Variants in IL1RAPL1 observed in about 807,000 individuals in gnomAD.
IL1RAPL1 encodes the protein interleukin-1 receptor accessory protein-like 1.
In IL1RAPL1, 3 loss-of-function variants were observed where a neutral mutation model predicts 48.4. That is an observed-to-expected ratio of 0.06 (90% CI 0.03 to 0.16). The LOEUF (loss-of-function observed/expected upper bound fraction) is 0.16, where lower values mean the gene tolerates loss of function less well. Among genes scored for constraint, IL1RAPL1 ranks in the 10% least tolerant of loss-of-function variants. The pLI, the probability that IL1RAPL1 is intolerant of heterozygous loss-of-function variation, is 1.00. For missense variants in IL1RAPL1, 349 were observed against 530.6 expected (o/e 0.66, Z 3.36); for synonymous variants, 185 against 187.7 (o/e 0.99, Z 0.12).
At chrX:29,247,117 C>G (rs1403256137) in intron 2 of IL1RAPL1, among the ~76,000 whole-genome samples, 1 of 111,869 alleles carries the variant, frequency 8.9e-6, no homozygotes, top group Non-Finnish European at 1.9e-5. Context: ...CACAAATTAG[C>G]TTTGCAAGTT....
rs138557283 is a variant in IL1RAPL1, at chrX:28,898,009, A to G, written c.82+108584A>G. The stretch of plus-strand genomic sequence containing the variant: ...TCATCAGTTAAGGCAAGGACCGGCC[A>G]TTTTCACTTCTTTTGTGGTGGAATG... On this transcript the variant is annotated intron_variant, in intron 2 of 10. Transcript: ENST00000378993. Among the ~76,000 whole-genome samples, 1,090 of 111,040 alleles carry G rather than the reference A, an allele frequency of 9.8e-3. 12 individuals carry two copies. The highest frequency in any genetic ancestry group is 0.033 in the African/African-American group (1,021 of 30,501).
chrX:29,837,272 A>AAAATATATAT (rs1447926305), intron 6 of IL1RAPL1, among the ~76,000 whole-genome samples: 4 of 72,118 alleles, frequency 5.5e-5, no homozygotes, highest in East Asian at 4.7e-4. Context: ...AAAAAAAAAA[A>AAAATATATAT]ATATATATAT....
chrX:29,286,863 C>T (rs974103793), intron 3 of IL1RAPL1, among the ~76,000 whole-genome samples: 4 of 111,000 alleles, frequency 3.6e-5, no homozygotes, highest in Non-Finnish European at 5.7e-5. Context: ...ATTTGGCACC[C>T]TATTTTTAAT....
chrX:28,718,535 A>G (rs1399582921), intron 1 of IL1RAPL1, among the ~76,000 whole-genome samples: 1 of 111,734 alleles, frequency 8.9e-6, no homozygotes, highest in African/African-American at 3.2e-5. Flanking sequence ...ACATCCATAC[A>G]TGAAACTTCT....
rs149728969 is a variant in IL1RAPL1, at chrX:29,085,950, C to T, written c.83-196988C>T. ...AAATGTTAGTGGGCTTGAGAAAACA[C>T]ATCAGTCACTGTGTTTGATATATCC... On this transcript the variant is annotated intron_variant, in intron 2 of 10. Coordinates refer to ENST00000378993, the MANE Select transcript of IL1RAPL1 (RefSeq NM_014271.4). 1.5e-3 allele frequency among the ~76,000 whole-genome samples: 174 copies of T among 112,278 alleles called. 2 individuals carry two copies. The highest frequency in any genetic ancestry group is 2.4e-3 in the Non-Finnish European group (129 of 53,238).
chrX:29,400,529 T>C (rs1382107501), intron 5 of IL1RAPL1, among the ~76,000 whole-genome samples: 5 of 111,931 alleles, frequency 4.5e-5, no homozygotes, highest in Non-Finnish European at 9.4e-5. Context: ...TATTGAGAGA[T>C]TCTTCTTGGT....
chrX:29,928,885 G>A lies in IL1RAPL1; in HGVS notation c.1057+8791G>A, dbSNP rs748939682. Among the ~76,000 whole-genome samples, 6 of 111,649 alleles carry A rather than the reference G, an allele frequency of 5.4e-5. No individual in the cohort carries two copies. In the South Asian group the frequency reaches 2.2e-3, roughly 42 times the overall value. On this transcript the variant is annotated intron_variant, in intron 8 of 10. Coordinates refer to ENST00000378993, the MANE Select transcript of IL1RAPL1 (RefSeq NM_014271.4). ...ACAAAAATGCTAACTACTATCTCGG[G>A]TCATATAGTAGGGAGAAAACGTGTT...
At chrX:29,904,353 T>C (rs1326634041) in intron 6 of IL1RAPL1, among the ~76,000 whole-genome samples, 1 of 104,129 alleles carries the variant, frequency 9.6e-6, no homozygotes, top group Non-Finnish European at 2.0e-5. Context: ...ATTTTATTGC[T>C]GATTCTTTTT....
intron 6 of IL1RAPL1, among the ~76,000 whole-genome samples, chrX:29,742,151 C>T (rs1433100506): frequency 1.8e-5 from 2 of 110,446 alleles, no homozygotes; most frequent in African/African-American, 6.6e-5. Flanking sequence ...GATAGGAAAG[C>T]TACCCTCATA....
At chrX:29,363,219 A>G (rs992406789) in intron 3 of IL1RAPL1, among the ~76,000 whole-genome samples, 3 of 112,241 alleles carry the variant, frequency 2.7e-5, no homozygotes, top group African/African-American at 9.7e-5. Flanking sequence ...AAAAGGTAAC[A>G]TAAAATTTAC....
chrX:29,406,861 C>T (rs1317378597), intron 5 of IL1RAPL1, among the ~76,000 whole-genome samples: 2 of 111,906 alleles, frequency 1.8e-5, no homozygotes, highest in Non-Finnish European at 3.8e-5. Context: ...CTGTCTTACA[C>T]TATAATAACT....
chrX:28,812,551 T>TA (rs887088127), intron 2 of IL1RAPL1, among the ~76,000 whole-genome samples: 7 of 111,164 alleles, frequency 6.3e-5, no homozygotes, highest in Non-Finnish European at 1.1e-4. Flanking sequence ...TTTTCTCTTT[T>TA]AAAAAACATA....
chrX:29,720,788 A>G (rs1337956372), intron 6 of IL1RAPL1, among the ~76,000 whole-genome samples: 1 of 112,182 alleles, frequency 8.9e-6, no homozygotes, highest in East Asian at 2.8e-4. Flanking sequence ...ACAAACAGAA[A>G]AACAGCTGAC....
intron 2 of IL1RAPL1, among the ~76,000 whole-genome samples, chrX:29,192,115 G>A (rs1203649495): frequency 9.0e-6 from 1 of 111,319 alleles, no homozygotes; most frequent in Non-Finnish European, 1.9e-5. Flanking sequence ...TCAGAGTGAA[G>A]GGGAAAGTAT....
chrX:29,775,410 T>C lies in IL1RAPL1; in HGVS notation c.778+106906T>C, dbSNP rs188245599. ...ACTTGTGAGAAGCAAAAGGGGACAA[T>C]AGATCATATGCTATTGCTCATCCTT... On this transcript the variant is annotated intron_variant, in intron 6 of 10. Coordinates refer to ENST00000378993, the MANE Select transcript of IL1RAPL1 (RefSeq NM_014271.4). Among the ~76,000 whole-genome samples, 26 of 111,661 alleles carry C rather than the reference T, an allele frequency of 2.3e-4. No homozygotes were observed. In the East Asian group the frequency reaches 5.6e-3, roughly 24 times the overall value.
intron 5 of IL1RAPL1, among the ~76,000 whole-genome samples, chrX:29,524,370 G>A (rs1469016972): frequency 9.0e-6 from 1 of 110,707 alleles, no homozygotes; most frequent in Non-Finnish European, 1.9e-5. Flanking sequence ...CATTTTCAGA[G>A]ACATATACAT....
At chrX:29,422,927 A>G (rs1175713353) in intron 5 of IL1RAPL1, among the ~76,000 whole-genome samples, 1 of 111,779 alleles carries the variant, frequency 8.9e-6, no homozygotes, top group Non-Finnish European at 1.9e-5. Flanking sequence ...GATGAAATGG[A>G]TGGTTGGATA....
chrX:29,479,556 C>T (rs1195257727), intron 5 of IL1RAPL1, among the ~76,000 whole-genome samples: 3 of 108,964 alleles, frequency 2.8e-5, no homozygotes, highest in East Asian at 2.8e-4. Context: ...TTGAGAGGTA[C>T]AGGTTTTTTT....
At chrX:28,668,395 A>G (rs1454639947) in intron 1 of IL1RAPL1, among the ~76,000 whole-genome samples, 1 of 111,560 alleles carries the variant, frequency 9.0e-6, no homozygotes, top group East Asian at 2.8e-4. Context: ...AGTAGCTGGT[A>G]TTACAGGCAC....
Sources: allele counts gnomAD v4.1 joint callset (sites outside exome capture counted in the v4.1 genomes callset), GRCh38; gene constraint gnomAD v4.1.1; transcripts MANE v1.5; gene names NCBI Gene and HGNC (gene_info 2026-07-23, HGNC 2026-07-21).